Variants in PUS7 observed in about 807,000 individuals in gnomAD.
PUS7 encodes pseudouridine synthase 7, also known as pseudouridylate synthase 7 homolog.
A neutral mutation model predicts 79.8 loss-of-function variants in PUS7; 48 were observed. That is an observed-to-expected ratio of 0.60 (90% CI 0.48 to 0.76). The LOEUF is 0.76. Ranked by LOEUF, PUS7 falls within the 30% of genes least tolerant of loss-of-function variation. The pLI is 0.00. For synonymous variants in PUS7, 286 were observed against 272.2 expected (o/e 1.05, Z -0.50); for missense variants, 729 against 797.6 (o/e 0.91, Z 1.04).
intron 9 of PUS7, among the ~76,000 whole-genome samples, chr7:105,472,503 G>A (rs548170028): frequency 7.6e-4 from 115 of 152,114 alleles, no homozygotes; most frequent in Non-Finnish European, 1.5e-3. Context: ...CCAAAGTGTT[G>A]GGATTACAGG....
chr7:105,462,168 G>C (rs6948487), intron 14 of PUS7: 1,655 of 153,540 alleles, frequency 0.011, 28 homozygotes, highest in African/African-American at 0.038. Flanking sequence ...GTGGTGGCTC[G>C]TGCCTGTAAT....
In PUS7 at chr7:105,506,141, A is replaced by G. The variant is rs1335292893; in HGVS notation, c.483+48T>C. 7 of 1,447,254 alleles carry G rather than the reference A, an allele frequency of 4.8e-6. No individual in the cohort carries two copies. The Admixed American group carries it at 7.0e-5, about 14-fold the overall frequency. The allele number at this position is 1,447,254 out of a possible 1,614,324, so 89.7% of individuals were successfully genotyped here. ...CTCTATATTTCTAAATCTCTAGGAA[A>G]TGCTATTTTTATACAGAAGGTGACA... On this transcript the variant is annotated intron_variant, in intron 3 of 15. Transcript: ENST00000469408.
intron 13 of PUS7, among the ~76,000 whole-genome samples, chr7:105,463,998 C>A (rs1823538556): frequency 6.6e-6 from 1 of 152,154 alleles, no homozygotes; most frequent in Admixed American, 6.5e-5. Context: ...CAACAGGGAT[C>A]CCTCAATCAA....
intron 1 of PUS7, among the ~76,000 whole-genome samples, chr7:105,514,797 T>C (rs1825831726): frequency 7.8e-6 from 1 of 127,866 alleles, no homozygotes; most frequent in African/African-American, 2.6e-5. Context: ...TTCTCTCTCA[T>C]TTTTTTTTTT....
Position 105,470,691 on chromosome 7 carries a change from G to A in PUS7, c.1395C>T (p.Gly465=). The A allele has an allele frequency of 8.8e-6, 14 of 1,585,158 alleles. No individual in the cohort carries two copies. The highest frequency in any genetic ancestry group is 1.2e-5 in the Non-Finnish European group (14 of 1,160,858). Reference sequence around the variant, plus strand: ...TGACTTCACAAATTGCACTCACTATGCCAAATGCAGAGACTATATTCTTCA... The same window carrying A: ...TGACTTCACAAATTGCACTCACTATACCAAATGCAGAGACTATATTCTTCA... ...YGMKNIVSAF[G]IIPRNNRLMY... is the part of the protein sequence containing the mutation. Residue 465 remains glycine, a synonymous_variant, in exon 11 of 16, where the codon GGC becomes GGT. Coordinates refer to ENST00000469408, the MANE Select transcript of PUS7 (RefSeq NM_019042.5).
chr7:105,484,743 G>T (rs369882030), intron 7 of PUS7, among the ~76,000 whole-genome samples: 1 of 151,022 alleles, frequency 6.6e-6, no homozygotes, highest in Non-Finnish European at 1.5e-5. Flanking sequence ...GCTTGAGCCC[G>T]GGAGGCAGAG....
chr7:105,470,852 C>T lies in PUS7; in HGVS notation c.1238-4G>A, dbSNP rs767110675. ...TTAACCAAGTAGCCCTTTTCAGCTG[C>T]GGGGGGAAAAAGCTAGGGTTAAATG... On this transcript the variant is annotated splice_polypyrimidine_tract_variant and splice_region_variant and intron_variant, in intron 10 of 15. Coordinates refer to ENST00000469408, the MANE Select transcript of PUS7 (RefSeq NM_019042.5). The T allele has an allele frequency of 1.2e-5, 19 of 1,568,618 alleles. No individual in the cohort carries two copies. The highest frequency in any genetic ancestry group is 3.7e-5 in the Admixed American group (2 of 54,774).
At chr7:105,488,800 G>A (rs921353107) in intron 7 of PUS7, among the ~76,000 whole-genome samples, 2 of 152,088 alleles carry the variant, frequency 1.3e-5, no homozygotes, top group Non-Finnish European at 2.9e-5. Flanking sequence ...AGGTGATCTC[G>A]GAAGAAGTAC....
intron 1 of PUS7, among the ~76,000 whole-genome samples, chr7:105,519,809 C>T (rs1312326167): frequency 1.3e-5 from 2 of 152,072 alleles, no homozygotes; most frequent in Non-Finnish European, 2.9e-5. Context: ...AGTGATGCCT[C>T]GTCTAAGGAG....
chr7:105,496,950 T>A, intron 5 of PUS7: 1 of 1,216,994 alleles, frequency 8.2e-7, no homozygotes. Flanking sequence ...CCAAATGCTC[T>A]TACCTGCTGC....
At chr7:105,484,223 A>G (rs1283269819) in intron 7 of PUS7, among the ~76,000 whole-genome samples, 1 of 152,110 alleles carries the variant, frequency 6.6e-6, no homozygotes, top group East Asian at 1.9e-4. Flanking sequence ...TCTTTACCCA[A>G]TTATTTAGGT....
chr7:105,491,064 T>C (rs543327438), intron 7 of PUS7, among the ~76,000 whole-genome samples: 1 of 152,332 alleles, frequency 6.6e-6, no homozygotes, highest in East Asian at 1.9e-4. Context: ...CTTTCCTGTG[T>C]TCCCTCCACA....
chr7:105,473,056 C>T (rs1186143358), intron 9 of PUS7, among the ~76,000 whole-genome samples: 1 of 151,722 alleles, frequency 6.6e-6, no homozygotes, highest in Non-Finnish European at 1.5e-5. Flanking sequence ...CCCCCGTGCC[C>T]GGCCCACATG....
chr7:105,472,826 T>C (rs1823927515), intron 9 of PUS7, among the ~76,000 whole-genome samples: 1 of 151,922 alleles, frequency 6.6e-6, no homozygotes, highest in African/African-American at 2.4e-5. Context: ...CGATCTCGGC[T>C]CACTGCAACC....
chr7:105,517,303 G>A (rs192714017), intron 1 of PUS7, among the ~76,000 whole-genome samples: 1 of 152,180 alleles, frequency 6.6e-6, no homozygotes, highest in Admixed American at 6.6e-5. Context: ...AGTACATACA[G>A]GCATGCGCCA....
chr7:105,516,777 G>A (rs955881336), intron 1 of PUS7, among the ~76,000 whole-genome samples: 5 of 152,014 alleles, frequency 3.3e-5, no homozygotes, highest in African/African-American at 1.2e-4. Flanking sequence ...TTTAAATTGA[G>A]GGTTGGGGAG....
At chr7:105,516,435 AG>A (rs1825897514) in intron 1 of PUS7, among the ~76,000 whole-genome samples, 1 of 151,062 alleles carries the variant, frequency 6.6e-6, no homozygotes, top group African/African-American at 2.4e-5. Flanking sequence ...GTGAAAGGGA[AG>A]CTGAAATGGA....
chr7:105,464,537 C>T (rs1197653971), intron 13 of PUS7, among the ~76,000 whole-genome samples: 2 of 152,198 alleles, frequency 1.3e-5, no homozygotes, highest in African/African-American at 4.8e-5. Flanking sequence ...CCTCTCCTTC[C>T]CAGAGCCAGA....
intron 12 of PUS7, among the ~76,000 whole-genome samples, chr7:105,466,528 C>T (rs749075354): frequency 6.6e-6 from 1 of 152,022 alleles, no homozygotes; most frequent in East Asian, 1.9e-4. Flanking sequence ...ACTGGGATTA[C>T]GGGTGTGAGC....
Sources: gnomAD v4.1 joint callset for allele counts (sites outside exome capture counted in the v4.1 genomes callset) on GRCh38, gnomAD v4.1.1 for gene constraint, MANE v1.5 for transcripts, NCBI Gene and HGNC (gene_info 2026-07-23, HGNC 2026-07-21) for gene names.